Variants in SIL1 observed in about 807,000 individuals in gnomAD.
SIL1 encodes SIL1 nucleotide exchange factor, also known as nucleotide exchange factor SIL1.
A neutral mutation model predicts 49.1 loss-of-function variants in SIL1; 40 were observed. The observed-to-expected ratio is 0.81, with a 90% CI of 0.63 to 1.06. The LOEUF (loss-of-function observed/expected upper bound fraction) is 1.06, where lower values mean the gene tolerates loss of function less well. Ranked by LOEUF, SIL1 falls within the 50% of genes least tolerant of loss-of-function variation. The pLI is 0.00. For synonymous variants in SIL1, 253 were observed against 250.8 expected (o/e 1.01, Z -0.08); for missense variants, 500 against 572.6 (o/e 0.87, Z 1.29).
chr5:139,014,610 C>G (rs1193577217), intron 7 of SIL1, among the ~76,000 whole-genome samples: 1 of 152,124 alleles, frequency 6.6e-6, no homozygotes, highest in Non-Finnish European at 1.5e-5. Context: ...GCCTCCCTCC[C>G]CAGAATGAAG....
At chr5:139,036,305 C>T (rs1768909550) in intron 5 of SIL1, among the ~76,000 whole-genome samples, 1 of 152,134 alleles carries the variant, frequency 6.6e-6, no homozygotes, top group Non-Finnish European at 1.5e-5. Flanking sequence ...TTTAATCCAT[C>T]TTGAGTTCAT....
At chr5:139,130,687 T>C (rs922217844) in intron 1 of SIL1, among the ~76,000 whole-genome samples, 5 of 152,196 alleles carry the variant, frequency 3.3e-5, no homozygotes, top group South Asian at 4.1e-4. Context: ...TCAATGTTCA[T>C]TGCAGCATTA....
intron 3 of SIL1, among the ~76,000 whole-genome samples, chr5:139,112,621 C>T (rs1770885220): frequency 6.7e-6 from 1 of 149,564 alleles, no homozygotes; most frequent in Non-Finnish European, 1.5e-5. Flanking sequence ...GCCAACCCCT[C>T]CGGGAGGGAG....
chr5:139,077,340 A>T (rs1769974635), intron 3 of SIL1, among the ~76,000 whole-genome samples: 1 of 152,190 alleles, frequency 6.6e-6, no homozygotes, highest in African/African-American at 2.4e-5. Context: ...TCACTTCCAA[A>T]CTACAAAAAG....
At chr5:139,168,852 C>G in intron 1 of SIL1, among the ~76,000 whole-genome samples, 1 of 151,668 alleles carries the variant, frequency 6.6e-6, no homozygotes, top group South Asian at 2.1e-4. Flanking sequence ...GTCCCAGTTA[C>G]TCTGGAGGCT....
intron 3 of SIL1, among the ~76,000 whole-genome samples, chr5:139,119,692 C>T (rs2151792558): frequency 6.6e-6 from 1 of 152,272 alleles, no homozygotes; most frequent in Non-Finnish European, 1.5e-5. Context: ...GCCCAGGAGG[C>T]AGAGGTTGCA....
chr5:139,086,937 G>A (rs1368712429), intron 3 of SIL1, among the ~76,000 whole-genome samples: 2 of 151,732 alleles, frequency 1.3e-5, no homozygotes, highest in Non-Finnish European at 2.9e-5. Flanking sequence ...TCCAGCCTGG[G>A]CAACAGAGTG....
At position 138,994,003 on chromosome 5, in the gene SIL1, G is replaced by C. The variant is rs182267592; in HGVS notation, c.767+27168C>G. On this transcript the variant is annotated intron_variant, in intron 7 of 9. Coordinates refer to ENST00000394817, the MANE Select transcript of SIL1 (RefSeq NM_022464.5). ...AAAAACATTTATTTCAGAAATGTAA[G>C]GATGATTCACTACTAGATAATATAT... 2.6e-3 allele frequency among the ~76,000 whole-genome samples: 393 copies of C among 152,118 alleles called. 3 individuals carry two copies. The highest frequency in any genetic ancestry group is 8.2e-3 in the African/African-American group (339 of 41,500).
intron 1 of SIL1, among the ~76,000 whole-genome samples, chr5:139,181,671 G>A (rs567158306): frequency 3.8e-4 from 58 of 152,308 alleles, no homozygotes; most frequent in Non-Finnish European, 7.8e-4. Flanking sequence ...TCACTAAACT[G>A]GCTGCTCAGC....
rs181417594 is a variant in SIL1 at position 138,960,882 on chromosome 5, C to T, written c.768-8998G>A. Among the ~76,000 whole-genome samples, 432 of 152,266 alleles carry T rather than the reference C, an allele frequency of 2.8e-3. 2 individuals are homozygous for T. Among genetic ancestry groups the T allele is most frequent in the Non-Finnish European group, 4.4e-3 (301 of 68,020 alleles). On this transcript the variant is annotated intron_variant, in intron 7 of 9. Transcript: ENST00000394817. The stretch of plus-strand genomic sequence containing the variant: ...ATACCGGCCTAATCTGCCAGCCTGG[C>T]AAATCTTATGAAAAAGAAAATTAGA...
At chr5:139,135,408 CCAGAGAGCTACAAAGAGCTA>C (rs972725049) in intron 1 of SIL1, among the ~76,000 whole-genome samples, 1 of 152,162 alleles carries the variant, frequency 6.6e-6, no homozygotes, top group Non-Finnish European at 1.5e-5. Flanking sequence ...CTCTGCCTAA[CCAGAGAGCTACAAAGAGCTA>C]CAGAGAGCTA....
intron 7 of SIL1, among the ~76,000 whole-genome samples, chr5:138,982,841 G>A (rs1038865106): frequency 6.6e-6 from 1 of 152,190 alleles, no homozygotes; most frequent in Non-Finnish European, 1.5e-5. Flanking sequence ...TCCTCTTGGC[G>A]GGAAGCCCTT....
intron 3 of SIL1, among the ~76,000 whole-genome samples, chr5:139,093,087 A>G (rs1020659940): frequency 6.6e-6 from 1 of 152,136 alleles, no homozygotes; most frequent in Non-Finnish European, 1.5e-5. Context: ...GCTTGAGCCC[A>G]GGAGTCCAGC....
chr5:139,084,226 C>T (rs1433129310), intron 3 of SIL1, among the ~76,000 whole-genome samples: 1 of 151,068 alleles, frequency 6.6e-6, no homozygotes. Context: ...GTCAGTGTGG[C>T]GATTCCTCAG....
At chr5:139,189,832 T>C (rs1013079206) in intron 1 of SIL1, among the ~76,000 whole-genome samples, 2 of 152,004 alleles carry the variant, frequency 1.3e-5, no homozygotes, top group Admixed American at 6.6e-5. Context: ...AAAATAATAA[T>C]AACAGAAATA....
At chr5:138,995,230 C>G (rs1011510105) in intron 7 of SIL1, among the ~76,000 whole-genome samples, 6 of 150,530 alleles carry the variant, frequency 4.0e-5, no homozygotes, top group South Asian at 2.1e-4. Context: ...ATTGGGATAT[C>G]TATCACCTTA....
chr5:139,037,119 G>A (rs1403102770), intron 5 of SIL1, among the ~76,000 whole-genome samples: 1 of 151,608 alleles, frequency 6.6e-6, no homozygotes, highest in East Asian at 1.9e-4. Context: ...AATTCTGTGT[G>A]GACAGTTCAT....
chr5:139,177,899 G>A (rs1207878018), intron 1 of SIL1, among the ~76,000 whole-genome samples: 1 of 152,228 alleles, frequency 6.6e-6, no homozygotes, highest in African/African-American at 2.4e-5. Context: ...AACCACAGGT[G>A]CTGGCTTTGC....
intron 1 of SIL1, among the ~76,000 whole-genome samples, chr5:139,166,329 ACTT>A (rs1470665262): frequency 6.6e-6 from 1 of 152,144 alleles, no homozygotes; most frequent in Non-Finnish European, 1.5e-5. Context: ...ACCATTAAAT[ACTT>A]CTTATTGCTA....
Sources: allele counts gnomAD v4.1 joint callset (sites outside exome capture counted in the v4.1 genomes callset), GRCh38; gene constraint gnomAD v4.1.1; transcripts MANE v1.5; gene names NCBI Gene and HGNC (gene_info 2026-07-23, HGNC 2026-07-21).